Variants in PALLD observed in about 807,000 individuals in gnomAD.
PALLD encodes the protein palladin.
Under a neutral mutation model 123.5 loss-of-function variants are expected in PALLD, and 61 were observed. The ratio of observed to expected loss-of-function variants is 0.49; its 90% CI spans 0.40 to 0.61. The LOEUF (loss-of-function observed/expected upper bound fraction) is 0.61, where lower values mean the gene tolerates loss of function less well. Ranked by LOEUF, PALLD falls within the 20% of genes least tolerant of loss-of-function variation. The pLI is 0.00. For missense variants in PALLD, 1,273 were observed against 1,377.0 expected (o/e 0.92, Z 1.20); for synonymous variants, 465 against 496.4 (o/e 0.94, Z 0.84).
At chr4:168,631,186 A>G (rs1487535657) in intron 2 of PALLD, among the ~76,000 whole-genome samples, 1 of 152,236 alleles carries the variant, frequency 6.6e-6, no homozygotes, top group Admixed American at 6.5e-5. Context: ...TTTAACTCAC[A>G]AGAGGTAACG....
Position 168,609,476 on chromosome 4 carries a change from A to T in PALLD, c.909-58714A>T, listed in dbSNP as rs575927134. Among the ~76,000 whole-genome samples, 3 of 152,026 alleles carry T rather than the reference A, an allele frequency of 2.0e-5. No homozygotes were observed. The South Asian group carries it at 6.2e-4, about 32-fold the overall frequency. Reference sequence around the variant, plus strand: ...CAACAGATGAAAGAAAGGTGCATTGATCCCTCAGTCCCTGACCCCACATTG... The same window carrying T: ...CAACAGATGAAAGAAAGGTGCATTGTTCCCTCAGTCCCTGACCCCACATTG... On this transcript the variant is annotated intron_variant, in intron 2 of 21. Transcript: ENST00000505667.
chr4:168,642,142 C>T (rs1777023599), intron 2 of PALLD, among the ~76,000 whole-genome samples: 1 of 152,190 alleles, frequency 6.6e-6, no homozygotes, highest in Non-Finnish European at 1.5e-5. Context: ...CTGCTACCTA[C>T]ACATCCCTCG....
intron 2 of PALLD, among the ~76,000 whole-genome samples, chr4:168,656,066 G>A (rs1338950653): frequency 6.6e-6 from 1 of 152,094 alleles, no homozygotes; most frequent in Non-Finnish European, 1.5e-5. Context: ...AAGACTGACA[G>A]CATTGTCTGA....
chr4:168,555,730 C>T (rs572160383), intron 2 of PALLD, among the ~76,000 whole-genome samples: 4 of 152,158 alleles, frequency 2.6e-5, no homozygotes, highest in Non-Finnish European at 4.4e-5. Context: ...CATTTAGAAA[C>T]AAAATGCAGT....
chr4:168,712,069 C>T, intron 10 of PALLD, 146 bp downstream of exon 10: 1 of 702,138 alleles, frequency 1.4e-6, no homozygotes, highest in East Asian at 2.7e-5. Flanking sequence ...TGTCTTTCAA[C>T]AATATAAAAG....
chr4:168,629,054 T>A (rs1463059422), intron 2 of PALLD, among the ~76,000 whole-genome samples: 4 of 151,946 alleles, frequency 2.6e-5, no homozygotes, highest in Non-Finnish European at 5.9e-5. Flanking sequence ...TTCACTCTTG[T>A]CGCCCAGGCT....
intron 2 of PALLD, among the ~76,000 whole-genome samples, chr4:168,651,179 A>AG (rs1298418684): frequency 6.6e-6 from 1 of 152,234 alleles, no homozygotes; most frequent in Admixed American, 6.5e-5. Context: ...ATTATTGCGC[A>AG]GGGATCAATA....
At chr4:168,551,084 T>A (rs1406850028) in intron 2 of PALLD, among the ~76,000 whole-genome samples, 1 of 152,214 alleles carries the variant, frequency 6.6e-6, no homozygotes, top group African/African-American at 2.4e-5. Flanking sequence ...TTTATACCCC[T>A]GAAAGACTTA....
chr4:168,568,395 C>G (rs955471103), intron 2 of PALLD, among the ~76,000 whole-genome samples: 1 of 151,788 alleles, frequency 6.6e-6, no homozygotes, highest in African/African-American at 2.4e-5. Context: ...TTTCATGTAC[C>G]TCTGTTCATT....
chr4:168,871,613 T>C (rs556638589), intron 10 of PALLD, among the ~76,000 whole-genome samples: 1 of 152,252 alleles, frequency 6.6e-6, no homozygotes, highest in African/African-American at 2.4e-5. Flanking sequence ...ATAGTTTTTA[T>C]AAGAATCAAC....
intron 10 of PALLD, among the ~76,000 whole-genome samples, chr4:168,833,779 G>A (rs1352647273): frequency 1.3e-5 from 2 of 149,542 alleles, no homozygotes; most frequent in Middle Eastern, 3.5e-3. Context: ...TCCCCCTTCA[G>A]ACTTGGCAGA....
intron 2 of PALLD, chr4:168,648,994 A>C (rs1441702849): frequency 6.6e-6 from 1 of 152,202 alleles, no homozygotes; most frequent in Non-Finnish European, 1.5e-5. Context: ...CAACCCAAAG[A>C]CTGCTTAAGG....
At chr4:168,764,591 T>C (rs1290994234) in intron 10 of PALLD, among the ~76,000 whole-genome samples, 3 of 150,136 alleles carry the variant, frequency 2.0e-5, no homozygotes, top group Non-Finnish European at 4.5e-5. Flanking sequence ...CTTTTAGAGA[T>C]TTTTTTTTTC....
At chr4:168,499,029 C>T (rs1761044331) in intron 1 of PALLD, among the ~76,000 whole-genome samples, 1 of 151,636 alleles carries the variant, frequency 6.6e-6, no homozygotes, top group East Asian at 1.9e-4. Context: ...AATATATCTG[C>T]CTGCATTGAC....
intron 10 of PALLD, among the ~76,000 whole-genome samples, chr4:168,790,990 A>G (rs1021725515): frequency 6.6e-6 from 1 of 152,114 alleles, no homozygotes; most frequent in Non-Finnish European, 1.5e-5. Context: ...CTTCATATAG[A>G]CTTTGTATAT....
chr4:168,763,509 C>T (rs564450136), intron 10 of PALLD, among the ~76,000 whole-genome samples: 72 of 152,220 alleles, frequency 4.7e-4, no homozygotes, highest in Non-Finnish European at 1.0e-3. Context: ...TTTTAGGCCA[C>T]ACAGTGTCCA....
At chr4:168,668,402 G>A (rs1339239212) in intron 3 of PALLD, 34 bp downstream of exon 3, 11 of 1,540,614 alleles carry the variant, frequency 7.1e-6, no homozygotes, top group Non-Finnish European at 8.8e-6. Flanking sequence ...GGGGATAAAG[G>A]GGTGTCAATG....
At chr4:168,728,858 C>T (rs183332894) in intron 10 of PALLD, among the ~76,000 whole-genome samples, 1 of 152,242 alleles carries the variant, frequency 6.6e-6, no homozygotes, top group African/African-American at 2.4e-5. Flanking sequence ...TCGCCCTCCT[C>T]CCACTCTTCC....
rs1377934164 is a variant in PALLD at position 168,580,090 on chromosome 4, T to A, written c.908+67678T>A. On this transcript the variant is annotated intron_variant, in intron 2 of 21. Coordinates refer to ENST00000505667, the MANE Select transcript of PALLD (RefSeq NM_001166108.2). ...CTACCTTCTGTTTTATGAGTTTGAC[T>A]TTTTTGGATTCCACGTGTGTCAGAT... Among the ~76,000 whole-genome samples, 4 of 152,184 alleles carry A rather than the reference T, an allele frequency of 2.6e-5. No homozygotes were observed. In the East Asian group the frequency reaches 7.7e-4, roughly 29 times the overall value.
Sources: gnomAD v4.1 joint callset for allele counts (sites outside exome capture counted in the v4.1 genomes callset) on GRCh38, gnomAD v4.1.1 for gene constraint, MANE v1.5 for transcripts, NCBI Gene and HGNC (gene_info 2026-07-23, HGNC 2026-07-21) for gene names.